Variants in ZNF536 observed in about 807,000 individuals in gnomAD.
The protein encoded by ZNF536 is zinc finger protein 536.
ZNF536 carries 13 observed loss-of-function variants against 84.5 expected under a neutral mutation model. That is an observed-to-expected ratio of 0.15 (90% confidence interval 0.10 to 0.24). The LOEUF (loss-of-function observed/expected upper bound fraction) is 0.24. Among genes scored for constraint, ZNF536 ranks in the 10% least tolerant of loss-of-function variants. The probability of loss-of-function intolerance (pLI) is 1.00; values close to 1 mark genes in which losing one functional copy is unlikely to be tolerated. For missense variants in ZNF536, 1,536 were observed against 1,747.5 expected, an observed-to-expected ratio of 0.88 and a Z score of 2.16; for synonymous variants, 811 against 742.5, an observed-to-expected ratio of 1.09 and a Z score of -1.50.
At chr19:30,703,144 G>A (rs541794070) in intron 1 of ZNF536, among the ~76,000 whole-genome samples, 95 of 152,304 alleles carry the variant, frequency 6.2e-4, no homozygotes, top group Non-Finnish European at 1.1e-3. Context: ...GTAGGGGCAG[G>A]CAGAGTCCAG....
At chr19:30,494,239 G>A (rs1034174879) in intron 2 of ZNF536, among the ~76,000 whole-genome samples, 7 of 152,292 alleles carry the variant, frequency 4.6e-5, no homozygotes, top group African/African-American at 1.4e-4. Flanking sequence ...TAGGGGGACC[G>A]TAGGCCCCTG....
chr19:30,522,794 A>G (rs1188052554), intron 2 of ZNF536, among the ~76,000 whole-genome samples: 2 of 152,204 alleles, frequency 1.3e-5, no homozygotes, highest in East Asian at 3.8e-4. Context: ...GCTTTCAATT[A>G]TCTTAAGGAT....
At chr19:30,517,997 G>T (rs370027876) in intron 2 of ZNF536, among the ~76,000 whole-genome samples, 1 of 152,076 alleles carries the variant, frequency 6.6e-6, no homozygotes, top group South Asian at 2.1e-4. Context: ...TGCCAGGTCC[G>T]CAGAGTTATC....
At chr19:30,460,562 A>G (rs2053086622) in intron 2 of ZNF536, among the ~76,000 whole-genome samples, 2 of 152,168 alleles carry the variant, frequency 1.3e-5, no homozygotes, top group Admixed American at 1.3e-4. Flanking sequence ...TTTCTCCAGG[A>G]GTCCATTCCT....
At chr19:30,484,863 G>T (rs1057483092) in intron 2 of ZNF536, among the ~76,000 whole-genome samples, 1 of 151,968 alleles carries the variant, frequency 6.6e-6, no homozygotes, top group African/African-American at 2.4e-5. Context: ...AAACCTTGTT[G>T]CCGGGCGCGG....
chr19:30,299,644 A>G (rs1193915528), intron 2 of ZNF536, among the ~76,000 whole-genome samples: 1 of 152,210 alleles, frequency 6.6e-6, no homozygotes, highest in Non-Finnish European at 1.5e-5. Flanking sequence ...ACTAGTTCTC[A>G]GAATAATCCA....
chr19:30,583,309 A>G (rs536781178), intron 1 of ZNF536, among the ~76,000 whole-genome samples: 8 of 152,334 alleles, frequency 5.3e-5, no homozygotes, highest in African/African-American at 9.6e-5. Context: ...AAGGACCCTC[A>G]GCCCCTTTGG....
At chr19:30,599,471 C>CTTCCTTCCTTCCATCT (rs745360597) in intron 1 of ZNF536, among the ~76,000 whole-genome samples, 1 of 47,348 alleles carries the variant, frequency 2.1e-5, no homozygotes, top group Non-Finnish European at 3.6e-5. Flanking sequence ...TCCCTCCCTC[C>CTTCCTTCCTTCCATCT]TTCCTTCCTT....
At chr19:30,369,104 A>G (rs1008917354), upstream of ZNF536, among the ~76,000 whole-genome samples, 1 of 152,138 alleles carries the variant, frequency 6.6e-6, no homozygotes, top group African/African-American at 2.4e-5. Flanking sequence ...TGCTCTTTGG[A>G]ACTGAGGTGC....
intron 3 of ZNF536, among the ~76,000 whole-genome samples, chr19:30,355,125 C>T (rs965822587): frequency 6.6e-5 from 10 of 152,076 alleles, no homozygotes; most frequent in South Asian, 4.2e-4. Flanking sequence ...ATGGTTCTTC[C>T]GGCTGTACAA....
At chr19:30,541,106 C>A (rs549946141) in intron 3 of ZNF536, among the ~76,000 whole-genome samples, 3 of 152,290 alleles carry the variant, frequency 2.0e-5, no homozygotes, top group Non-Finnish European at 2.9e-5. Flanking sequence ...TGGAAACCAC[C>A]TTTCATCTTC....
At chr19:30,355,367 C>A (rs2048060036) in intron 3 of ZNF536, among the ~76,000 whole-genome samples, 1 of 152,074 alleles carries the variant, frequency 6.6e-6, no homozygotes, top group Non-Finnish European at 1.5e-5. Context: ...ACTCACGAGG[C>A]AGGGTCTCGT....
intron 1 of ZNF536, among the ~76,000 whole-genome samples, chr19:30,431,925 C>A (rs570484033): frequency 6.6e-6 from 1 of 152,012 alleles, no homozygotes; most frequent in African/African-American, 2.4e-5. Flanking sequence ...TCAATACACT[C>A]CTGACAACTG....
At chr19:30,450,489 T>A (rs181019733) in intron 2 of ZNF536, among the ~76,000 whole-genome samples, 5 of 152,276 alleles carry the variant, frequency 3.3e-5, no homozygotes, top group Admixed American at 3.3e-4. Context: ...AAAAAGGACT[T>A]GGGGAGACCC....
At chr19:30,578,281 C>T (rs2046807549) in intron 1 of ZNF536, among the ~76,000 whole-genome samples, 1 of 152,184 alleles carries the variant, frequency 6.6e-6, no homozygotes, top group Non-Finnish European at 1.5e-5. Context: ...AACCTGGTCA[C>T]TAGAGAGGGT....
chr19:30,324,644 G>T (rs11084529), intron 2 of ZNF536, among the ~76,000 whole-genome samples: 1 of 151,990 alleles, frequency 6.6e-6, no homozygotes, highest in Non-Finnish European at 1.5e-5. Flanking sequence ...CTCTTACCTT[G>T]GTCTCCCAAA....
At chr19:30,648,390 C>T (rs964808851) in intron 1 of ZNF536, among the ~76,000 whole-genome samples, 1 of 152,144 alleles carries the variant, frequency 6.6e-6, no homozygotes, top group African/African-American at 2.4e-5. Context: ...ATCAAAAGGC[C>T]AAATCCTTTC....
chr19:30,438,980 A>G (rs1012557278), intron 1 of ZNF536, among the ~76,000 whole-genome samples: 2 of 152,118 alleles, frequency 1.3e-5, no homozygotes, highest in Non-Finnish European at 2.9e-5. Context: ...AACAGGTCTT[A>G]TCGTTTGCAG....
At chr19:30,418,532 C>T (rs1438545811) in intron 1 of ZNF536, among the ~76,000 whole-genome samples, 1 of 152,138 alleles carries the variant, frequency 6.6e-6, no homozygotes, top group Non-Finnish European at 1.5e-5. Context: ...ACTTGTGCAT[C>T]CTTCCTCATA....
Sources: gnomAD v4.1 joint callset for allele counts (sites outside exome capture counted in the v4.1 genomes callset) on GRCh38, gnomAD v4.1.1 for gene constraint, MANE v1.5 for transcripts, NCBI Gene and HGNC (gene_info 2026-07-23, HGNC 2026-07-21) for gene names.